CELF2: variants seen among roughly 807,000 people sequenced by gnomAD.
CELF2 encodes the protein CUG triplet repeat RNA-binding protein 2.
CELF2 carries 8 observed loss-of-function variants against 62.6 expected under a neutral mutation model. The observed-to-expected ratio is 0.13, with a 90% CI of 0.07 to 0.23. The LOEUF is 0.23. Among genes scored for constraint, CELF2 ranks in the 10% least tolerant of loss-of-function variants. The probability of loss-of-function intolerance (pLI) is 1.00; values close to 1 mark genes in which losing one functional copy is unlikely to be tolerated. For missense variants in CELF2, 333 were observed against 671.0 expected (o/e 0.50, Z 5.56); for synonymous variants, 258 against 250.0 (o/e 1.03, Z -0.30).
chr10:10,725,859 G>A, the CELF2 span, among the ~76,000 whole-genome samples: 2 of 150,552 alleles, frequency 1.3e-5, no homozygotes, highest in East Asian at 1.9e-4. Flanking sequence ...TTGCCATACC[G>A]ATAGCTGGTT....
At chr10:11,052,341 A>T (rs530844686) in intron 1 of CELF2, among the ~76,000 whole-genome samples, 1 of 152,322 alleles carries the variant, frequency 6.6e-6, no homozygotes, top group Admixed American at 6.5e-5. Flanking sequence ...GACATTGCCA[A>T]AGTTAGTTCA....
chr10:10,508,666 G>A, the CELF2 span, among the ~76,000 whole-genome samples: 246 of 28,366 alleles, frequency 8.7e-3, 1 homozygote, highest in South Asian at 0.077. Context: ...ACAGATGTGT[G>A]TGTGTGTGTG....
chr10:10,874,589 T>A (rs896108542), intron 1 of CELF2, among the ~76,000 whole-genome samples: 2 of 152,196 alleles, frequency 1.3e-5, no homozygotes, highest in African/African-American at 4.8e-5. Context: ...TCATCAACCC[T>A]AATTATTAAA....
intron 2 of CELF2, among the ~76,000 whole-genome samples, chr10:10,944,743 A>G (rs2047460464): frequency 6.6e-6 from 1 of 152,050 alleles, no homozygotes; most frequent in Admixed American, 6.6e-5. Flanking sequence ...CTGGGATTAC[A>G]GGTGTGCACC....
chr10:11,027,848 T>TA (rs1435832111), intron 1 of CELF2, among the ~76,000 whole-genome samples: 4 of 152,184 alleles, frequency 2.6e-5, no homozygotes, highest in Non-Finnish European at 5.9e-5. Flanking sequence ...GACAATAAAA[T>TA]ACGCTGCTTA....
intron 3 of CELF2, among the ~76,000 whole-genome samples, chr10:11,245,673 C>T (rs1009332593): frequency 3.3e-5 from 5 of 152,186 alleles, no homozygotes; most frequent in African/African-American, 7.2e-5. Flanking sequence ...TGAGCAGCTG[C>T]ACGAATGCTA....
chr10:10,653,530 G>A, the CELF2 span, among the ~76,000 whole-genome samples: 2 of 137,186 alleles, frequency 1.5e-5, no homozygotes, highest in African/African-American at 5.5e-5. Flanking sequence ...TCAGACCACA[G>A]TGCAATCAAA....
intron 1 of CELF2, among the ~76,000 whole-genome samples, chr10:11,006,766 G>C (rs1262418102): frequency 1.3e-5 from 2 of 152,300 alleles, no homozygotes; most frequent in South Asian, 4.1e-4. Flanking sequence ...AAGTTGTGAA[G>C]TTCAAGGTCT....
chr10:10,475,090 G>T, the CELF2 span, among the ~76,000 whole-genome samples: 1 of 152,016 alleles, frequency 6.6e-6, no homozygotes, highest in African/African-American at 2.4e-5. Flanking sequence ...TGTTTTTCTT[G>T]GAAAAGATTC....
chr10:11,313,072 A>C (rs899237206), intron 9 of CELF2, among the ~76,000 whole-genome samples: 1 of 152,256 alleles, frequency 6.6e-6, no homozygotes, highest in Non-Finnish European at 1.5e-5. Flanking sequence ...GATGTAGCCA[A>C]AATACAAACA....
chr10:11,003,826 G>A (rs565257483), upstream of CELF2, among the ~76,000 whole-genome samples: 100 of 152,152 alleles, frequency 6.6e-4, 1 homozygote, highest in South Asian at 3.9e-3. The surrounding 1 kb of genome is among the most constrained non-coding windows in gnomAD (Gnocchi z 4.4). Flanking sequence ...TCATATGTTA[G>A]AATGAAGCAA....
the CELF2 span, among the ~76,000 whole-genome samples, chr10:10,712,568 C>T: frequency 1.2e-4 from 19 of 152,214 alleles, no homozygotes; most frequent in African/African-American, 3.9e-4. Flanking sequence ...TCAAATACAA[C>T]CAGCAATGAA....
Position 11,157,019 on chromosome 10 carries a change from A to G in CELF2, c.75-8467A>G, listed in dbSNP as rs2064594620. Among the ~76,000 whole-genome samples, 1 of 152,052 alleles carries G rather than the reference A, an allele frequency of 6.6e-6. No homozygotes were observed. Among genetic ancestry groups the G allele is most frequent in the East Asian group, 1.9e-4 (1 of 5,196 alleles). ...GGGCAGTTATTTTCAAATACTTGAG[A>G]ATGGGTGACCTCTCCACAGGATTCC... On this transcript the variant is annotated intron_variant, in intron 1 of 12. Transcript: ENST00000633077. This position sits in a 1 kb window ranked among gnomAD's most constrained non-coding sequence, Gnocchi z 4.9.
the CELF2 span, among the ~76,000 whole-genome samples, chr10:10,700,302 T>G: frequency 6.6e-6 from 1 of 152,166 alleles, no homozygotes; most frequent in Non-Finnish European, 1.5e-5. Context: ...CAAGGCTGGG[T>G]TCACAGACTC....
In CELF2 at chr10:11,309,030, A is replaced by G. The variant is rs2094427597; in HGVS notation, c.977-5109A>G. ...TTATTTGATGAAACATTGTAATTAC[A>G]CTTATAATCCTTTAGGCATGATTTT... On this transcript the variant is annotated intron_variant, in intron 9 of 12. Coordinates refer to ENST00000633077, the MANE Select transcript of CELF2 (RefSeq NM_001326342.2). The surrounding 1 kb of genome is among the most constrained non-coding windows in gnomAD (Gnocchi z 5.6). Among the ~76,000 whole-genome samples, 1 of 152,208 alleles carries G rather than the reference A, an allele frequency of 6.6e-6. No homozygotes were observed.
Position 11,297,055 on chromosome 10 carries a change from G to C in CELF2, c.976+8503G>C, listed in dbSNP as rs1446488296. On this transcript the variant is annotated intron_variant, in intron 9 of 12. Coordinates refer to ENST00000633077, the MANE Select transcript of CELF2 (RefSeq NM_001326342.2). This position sits in a 1 kb window ranked among gnomAD's most constrained non-coding sequence, Gnocchi z 4.4. ...TAGGCCCAAGAATGATAGACTTCCTGTGTGACTGGACTGAGGCACCCATTT... is the reference window on the plus strand; with the variant it reads ...TAGGCCCAAGAATGATAGACTTCCTCTGTGACTGGACTGAGGCACCCATTT... Among the ~76,000 whole-genome samples, 4 of 152,144 alleles carry C rather than the reference G, an allele frequency of 2.6e-5. No individual in the cohort carries two copies. The highest frequency in any genetic ancestry group is 5.9e-5 in the Non-Finnish European group (4 of 68,016).
rs186291543 is a variant in CELF2 at position 11,127,290 on chromosome 10, T to C, written c.75-38196T>C. On this transcript the variant is annotated intron_variant, in intron 1 of 12. Transcript: ENST00000633077. ...TGCCATATTTTATTAATCCAGTCTA[T>C]CATTGATGGAGATTTGGGTTGGTTC... 6.8e-3 allele frequency among the ~76,000 whole-genome samples: 1,034 copies of C among 152,318 alleles called. 33 individuals carry two copies. Among genetic ancestry groups the C allele is most frequent in the Admixed American group, 0.049 (751 of 15,298 alleles).
At chr10:11,021,970 G>A (rs530750990) in intron 1 of CELF2, among the ~76,000 whole-genome samples, 3 of 152,198 alleles carry the variant, frequency 2.0e-5, no homozygotes, top group South Asian at 2.1e-4. Flanking sequence ...AGCAGAATAC[G>A]TTTTAATTAA....
At chr10:11,279,178 AGT>A (rs1386356504) in intron 8 of CELF2, among the ~76,000 whole-genome samples, 2 of 152,210 alleles carry the variant, frequency 1.3e-5, no homozygotes, top group African/African-American at 2.4e-5. Flanking sequence ...CTGCGGCGGA[AGT>A]GTCTTTTGAT....
Sources: allele counts gnomAD v4.1 joint callset (sites outside exome capture counted in the v4.1 genomes callset), GRCh38; gene constraint gnomAD v4.1.1; non-coding constraint Gnocchi (gnomAD v3.1); transcripts MANE v1.5; gene names NCBI Gene and HGNC (gene_info 2026-07-23, HGNC 2026-07-21).